KCNQ5: variants seen among roughly 807,000 people sequenced by gnomAD.
The protein encoded by KCNQ5 is potassium voltage-gated channel subfamily Q member 5.
KCNQ5 carries 30 observed loss-of-function variants against 98.2 expected under a neutral mutation model. The observed-to-expected ratio is 0.31, with a 90% CI of 0.23 to 0.41. The LOEUF is 0.41. Ranked by LOEUF, KCNQ5 falls within the 10% of genes least tolerant of loss-of-function variation. The pLI, the probability that KCNQ5 is intolerant of heterozygous loss-of-function variation, is 1.00. For missense variants in KCNQ5, 835 were observed against 1,182.5 expected (o/e 0.71, Z 4.31); for synonymous variants, 458 against 449.4 (o/e 1.02, Z -0.24).
At chr6:72,974,743 A>AC (rs748002870) in intron 1 of KCNQ5, among the ~76,000 whole-genome samples, 1 of 149,958 alleles carries the variant, frequency 6.7e-6, no homozygotes, top group Non-Finnish European at 1.5e-5. Context: ...AACACTTTCT[A>AC]CTTTTTTTTT....
intron 7 of KCNQ5, among the ~76,000 whole-genome samples, chr6:73,113,344 T>C (rs1004653108): frequency 6.6e-6 from 1 of 152,346 alleles, no homozygotes; most frequent in South Asian, 2.1e-4. Context: ...AATAATACAT[T>C]TTACACAATA....
intron 1 of KCNQ5, among the ~76,000 whole-genome samples, chr6:72,819,506 G>C (rs1213220922): frequency 1.3e-5 from 2 of 152,088 alleles, no homozygotes; most frequent in Non-Finnish European, 2.9e-5. Flanking sequence ...ATTAAAATCA[G>C]TACTATTTAG....
chr6:72,715,812 AT>A (rs1769617734), intron 1 of KCNQ5, among the ~76,000 whole-genome samples: 2 of 152,198 alleles, frequency 1.3e-5, no homozygotes, highest in Non-Finnish European at 2.9e-5. Flanking sequence ...TAGGATAATT[AT>A]TTTACAAAAT....
chr6:72,709,390 G>C (rs890228758), intron 1 of KCNQ5, among the ~76,000 whole-genome samples: 2 of 152,118 alleles, frequency 1.3e-5, no homozygotes, highest in African/African-American at 2.4e-5. Flanking sequence ...TTGATCCTTG[G>C]AGAGGAAATA....
intron 5 of KCNQ5, among the ~76,000 whole-genome samples, chr6:73,099,116 C>G (rs970090761): frequency 2.2e-5 from 2 of 90,134 alleles, no homozygotes; most frequent in Non-Finnish European, 6.2e-5. Context: ...TATTTGCAAG[C>G]CTCATAGTAA....
chr6:73,150,258 T>C (rs1777097890), intron 10 of KCNQ5, among the ~76,000 whole-genome samples: 2 of 151,908 alleles, frequency 1.3e-5, no homozygotes, highest in Non-Finnish European at 2.9e-5. Context: ...TACACATTGC[T>C]GGTGGGAAAA....
intron 13 of KCNQ5, among the ~76,000 whole-genome samples, chr6:73,194,031 G>A (rs190766126): frequency 6.6e-6 from 1 of 152,040 alleles, no homozygotes; most frequent in East Asian, 1.9e-4. Context: ...GTAGAGACGA[G>A]GTCTCACCAT....
At chr6:73,000,110 G>A (rs948209475) in intron 1 of KCNQ5, among the ~76,000 whole-genome samples, 1 of 152,052 alleles carries the variant, frequency 6.6e-6, no homozygotes, top group African/African-American at 2.4e-5. Context: ...GGTGCGTTGG[G>A]GTCATGGTCA....
chr6:72,793,838 A>G (rs183817404), intron 1 of KCNQ5, among the ~76,000 whole-genome samples: 1 of 152,280 alleles, frequency 6.6e-6, no homozygotes, highest in African/African-American at 2.4e-5. Context: ...CAAATGCATG[A>G]TCTCATTTTT....
chr6:72,781,077 GGAAATA>G (rs1247819131), intron 1 of KCNQ5, among the ~76,000 whole-genome samples: 48 of 152,094 alleles, frequency 3.2e-4, no homozygotes, highest in African/African-American at 1.1e-3. Context: ...GATCTTATTT[GGAAATA>G]GAGTCTTTGT....
intron 11 of KCNQ5, among the ~76,000 whole-genome samples, chr6:73,179,252 G>A (rs1026257300): frequency 5.3e-5 from 8 of 152,112 alleles, no homozygotes; most frequent in Admixed American, 5.2e-4. Flanking sequence ...GTGGGCAGGT[G>A]TATCTGGTGA....
At chr6:73,108,833 A>G (rs1001144195) in intron 6 of KCNQ5, among the ~76,000 whole-genome samples, 20 of 152,180 alleles carry the variant, frequency 1.3e-4, no homozygotes, top group Non-Finnish European at 2.6e-4. Flanking sequence ...TCTCAAAAAA[A>G]ATAAAAAATA....
intron 2 of KCNQ5, 87 bp from the exon 3 acceptor site, chr6:73,041,849 C>T: frequency 6.9e-7 from 1 of 1,452,744 alleles, no homozygotes; most frequent in Non-Finnish European, 9.6e-7. Flanking sequence ...AGACAAAGTG[C>T]CTAAATGTCC....
chr6:73,085,829 A>G (rs1194402695), intron 5 of KCNQ5, among the ~76,000 whole-genome samples: 9 of 152,198 alleles, frequency 5.9e-5, no homozygotes, highest in Admixed American at 5.9e-4. Flanking sequence ...CCACTCTGTG[A>G]GCACTGGGCC....
intron 11 of KCNQ5, among the ~76,000 whole-genome samples, chr6:73,179,132 G>C (rs1778319672): frequency 6.6e-6 from 1 of 152,194 alleles, no homozygotes; most frequent in Admixed American, 6.5e-5. Flanking sequence ...TTCCAAACTG[G>C]AAGAGGGAGT....
intron 2 of KCNQ5, among the ~76,000 whole-genome samples, chr6:73,029,904 CAAAAAAAAA>C (rs56804434): frequency 1.6e-3 from 126 of 78,628 alleles, no homozygotes; most frequent in South Asian, 8.7e-3. Flanking sequence ...GACTCCGTCT[CAAAAAAAAA>C]AAAAAAAAAA....
intron 3 of KCNQ5, among the ~76,000 whole-genome samples, chr6:73,068,599 C>G (rs974129178): frequency 6.6e-6 from 1 of 152,100 alleles, no homozygotes; most frequent in South Asian, 2.1e-4. Flanking sequence ...AACTGAGGCA[C>G]AGAAAGATTC....
intron 1 of KCNQ5, among the ~76,000 whole-genome samples, chr6:72,678,895 G>A (rs1243934905): frequency 6.6e-6 from 1 of 152,040 alleles, no homozygotes; most frequent in Non-Finnish European, 1.5e-5. Flanking sequence ...AAGACATGAA[G>A]CACTTCTTTT....
intron 1 of KCNQ5, among the ~76,000 whole-genome samples, chr6:72,718,151 C>T (rs1769744946): frequency 6.6e-6 from 1 of 152,120 alleles, no homozygotes; most frequent in Admixed American, 6.5e-5. Flanking sequence ...AAAAATTTGC[C>T]TTGAGTGACT....
Sources: allele counts gnomAD v4.1 joint callset (sites outside exome capture counted in the v4.1 genomes callset), GRCh38; gene constraint gnomAD v4.1.1; transcripts MANE v1.5; gene names NCBI Gene and HGNC (gene_info 2026-07-23, HGNC 2026-07-21).